The following SAMD12 variants were observed in gnomAD, a reference collection of about 807,000 sequenced individuals.
SAMD12 encodes the protein sterile alpha motif domain containing 12, also known as sterile alpha motif domain-containing protein 12.
SAMD12 carries 9 observed loss-of-function variants against 15.0 expected under a neutral mutation model. That is an observed-to-expected ratio of 0.60 (90% CI 0.36 to 1.05). The LOEUF (loss-of-function observed/expected upper bound fraction) is 1.05, where lower values mean the gene tolerates loss of function less well. Ranked by LOEUF, SAMD12 falls within the 50% of genes least tolerant of loss-of-function variation. SAMD12 has a pLI of 0.01. For synonymous variants in SAMD12, 86 were observed against 90.1 expected, an observed-to-expected ratio of 0.96 and a Z score of 0.25; for missense variants, 230 against 234.2, an observed-to-expected ratio of 0.98 and a Z score of 0.12.
At chr8:118,449,643 C>CA (rs1404683267) in intron 2 of SAMD12, among the ~76,000 whole-genome samples, 35 of 151,210 alleles carry the variant, frequency 2.3e-4, no homozygotes, top group Non-Finnish European at 4.7e-4. Context: ...ACTAAAAATA[C>CA]AAAAAATTAG....
At chr8:118,141,900 C>T in the SAMD12 span, among the ~76,000 whole-genome samples, 4 of 152,124 alleles carry the variant, frequency 2.6e-5, no homozygotes, top group Admixed American at 6.6e-5. Flanking sequence ...CCTGGCCATC[C>T]CCTGTGATAG....
chr8:118,203,306 A>AGCAC (rs1819764442), intron 4 of SAMD12, among the ~76,000 whole-genome samples: 1 of 152,170 alleles, frequency 6.6e-6, no homozygotes. Flanking sequence ...CTATGTTTAG[A>AGCAC]GCACTGGTTC....
At chr8:118,397,020 T>C (rs547320628) in intron 3 of SAMD12, among the ~76,000 whole-genome samples, 1 of 152,254 alleles carries the variant, frequency 6.6e-6, no homozygotes, top group Non-Finnish European at 1.5e-5. Context: ...TGGGGAAGAT[T>C]GAGTGAGCAA....
chr8:118,162,580 CA>C, the SAMD12 span, among the ~76,000 whole-genome samples: 2 of 152,042 alleles, frequency 1.3e-5, no homozygotes, highest in Non-Finnish European at 2.9e-5. Flanking sequence ...AGATGTCCAA[CA>C]GACAGATGAA....
chr8:118,283,639 C>T (rs75799229), intron 4 of SAMD12, among the ~76,000 whole-genome samples: 2,509 of 152,262 alleles, frequency 0.016, 82 homozygotes, highest in African/African-American at 0.056. Context: ...GTGCTCAACT[C>T]CAGGGAAGGG....
intron 3 of SAMD12, among the ~76,000 whole-genome samples, chr8:118,398,819 T>A (rs1055162794): frequency 6.6e-6 from 1 of 152,232 alleles, no homozygotes; most frequent in Admixed American, 6.5e-5. Context: ...AAACTCACCA[T>A]ACACTTTAAA....
At chr8:118,140,533 A>G in the SAMD12 span, among the ~76,000 whole-genome samples, 1 of 152,088 alleles carries the variant, frequency 6.6e-6, no homozygotes, top group African/African-American at 2.4e-5. Flanking sequence ...CAGTCTCCCA[A>G]AGTGCTGAGA....
intron 2 of SAMD12, among the ~76,000 whole-genome samples, chr8:118,513,049 T>C (rs560374874): frequency 1.3e-5 from 2 of 152,352 alleles, no homozygotes; most frequent in South Asian, 4.1e-4. Flanking sequence ...TGTGTATCTT[T>C]TTCACTAAAC....
intron 2 of SAMD12, among the ~76,000 whole-genome samples, chr8:118,552,785 T>C (rs911518055): frequency 4.6e-5 from 7 of 152,134 alleles, no homozygotes; most frequent in Admixed American, 1.3e-4. Flanking sequence ...GAAAACCCCA[T>C]TGTCTCAGCC....
chr8:118,498,365 G>T (rs753979698), intron 2 of SAMD12, among the ~76,000 whole-genome samples: 1 of 152,192 alleles, frequency 6.6e-6, no homozygotes, highest in Non-Finnish European at 1.5e-5. Context: ...AAATAAGAAA[G>T]TTAATATACA....
intron 2 of SAMD12, among the ~76,000 whole-genome samples, chr8:118,505,802 C>T (rs1251618854): frequency 6.6e-6 from 1 of 151,916 alleles, no homozygotes; most frequent in East Asian, 1.9e-4. Flanking sequence ...TTTGTGAATT[C>T]ACTTAATTAC....
intron 4 of SAMD12, among the ~76,000 whole-genome samples, chr8:118,276,441 A>G (rs1813476218): frequency 6.6e-6 from 1 of 152,042 alleles, no homozygotes; most frequent in Non-Finnish European, 1.5e-5. Context: ...AAGGTTCTTC[A>G]TTTTCTGGAA....
chr8:118,286,559 T>C (rs1321488832), intron 4 of SAMD12, among the ~76,000 whole-genome samples: 17 of 131,082 alleles, frequency 1.3e-4, no homozygotes, highest in Admixed American at 1.3e-3. Flanking sequence ...GAGAACATTT[T>C]CTTCGTTACC....
intron 2 of SAMD12, among the ~76,000 whole-genome samples, chr8:118,459,697 A>C (rs1245936202): frequency 6.6e-6 from 1 of 152,194 alleles, no homozygotes; most frequent in East Asian, 1.9e-4. Flanking sequence ...AAAAGAAGAA[A>C]ACTTAAAAAT....
At chr8:118,588,883 TGAG>T (rs1281320689) in intron 1 of SAMD12, among the ~76,000 whole-genome samples, 1 of 152,192 alleles carries the variant, frequency 6.6e-6, no homozygotes. Context: ...GGTCAGGCAA[TGAG>T]GAGACAGAAT....
intron 1 of SAMD12, among the ~76,000 whole-genome samples, chr8:118,583,173 C>A (rs1331690721): frequency 6.6e-6 from 1 of 152,144 alleles, no homozygotes; most frequent in African/African-American, 2.4e-5. Flanking sequence ...CAGGTCAATT[C>A]CCCAAACCAC....
chr8:118,453,311 T>C lies in SAMD12; in HGVS notation c.193-13350A>G, dbSNP rs34782518. Among the ~76,000 whole-genome samples the C allele has an allele frequency of 4.8e-4, 73 of 152,300 alleles. 1 individual carries two copies. Among genetic ancestry groups the C allele is most frequent in the Middle Eastern group, 3.4e-3 (1 of 294 alleles). On this transcript the variant is annotated intron_variant, in intron 2 of 3. Coordinates refer to ENST00000314727, the MANE Select transcript of SAMD12 (RefSeq NM_207506.3). ...CTTATGATTACATATACTATTCCAA[T>C]GCTGGGCTAATTAGTCTGGTTTGGA... is the stretch of plus-strand genomic sequence containing the variant.
intron 2 of SAMD12, among the ~76,000 whole-genome samples, chr8:118,466,508 T>C (rs1823598167): frequency 6.6e-6 from 1 of 152,224 alleles, no homozygotes; most frequent in Admixed American, 6.5e-5. Flanking sequence ...ACTTCCTCCA[T>C]GTCCAGCCTA....
At chr8:118,182,698 A>T in the SAMD12 span, among the ~76,000 whole-genome samples, 1 of 152,224 alleles carries the variant, frequency 6.6e-6, no homozygotes, top group Non-Finnish European at 1.5e-5. Context: ...TTGGTTTCCT[A>T]CTAAAGCCAT....
Sources: allele counts gnomAD v4.1 joint callset (sites outside exome capture counted in the v4.1 genomes callset), GRCh38; gene constraint gnomAD v4.1.1; transcripts MANE v1.5; gene names NCBI Gene and HGNC (gene_info 2026-07-23, HGNC 2026-07-21).